The following RCAN2 variants were observed in gnomAD, a reference collection of about 807,000 sequenced individuals.
RCAN2 encodes regulator of calcineurin 2.
RCAN2 carries 9 observed loss-of-function variants against 23.6 expected under a neutral mutation model. The ratio of observed to expected loss-of-function variants is 0.38; its 90% CI spans 0.23 to 0.67. RCAN2 has a LOEUF of 0.67. RCAN2 is among the 30% of genes least tolerant of loss of function. RCAN2 has a pLI of 0.51. For missense variants in RCAN2, 273 were observed against 302.3 expected (o/e 0.90, Z 0.72); for synonymous variants, 109 against 115.7 (o/e 0.94, Z 0.37).
intron 2 of RCAN2, among the ~76,000 whole-genome samples, chr6:46,323,248 C>T (rs1763676041): frequency 6.6e-6 from 1 of 152,054 alleles, no homozygotes; most frequent in East Asian, 1.9e-4. Context: ...ATTTATTGAG[C>T]ATTAAATAGG....
chr6:46,408,123 TTA>T (rs1289809556), intron 2 of RCAN2, among the ~76,000 whole-genome samples: 9 of 152,198 alleles, frequency 5.9e-5, no homozygotes, highest in African/African-American at 1.9e-4. Context: ...CACGAATATT[TTA>T]TGTTTTCAAG....
At chr6:46,311,894 TA>T (rs1262689437) in intron 2 of RCAN2, among the ~76,000 whole-genome samples, 1 of 152,190 alleles carries the variant, frequency 6.6e-6, no homozygotes, top group Non-Finnish European at 1.5e-5. Context: ...TCCTGACTTT[TA>T]GCTGGGCATA....
chr6:46,356,064 C>T (rs894671780), intron 2 of RCAN2, among the ~76,000 whole-genome samples: 2 of 152,180 alleles, frequency 1.3e-5, no homozygotes, highest in Non-Finnish European at 2.9e-5. Flanking sequence ...CAGACACAGA[C>T]ATGAGCCCTC....
chr6:46,354,747 C>T (rs1764771253), intron 2 of RCAN2, among the ~76,000 whole-genome samples: 1 of 152,200 alleles, frequency 6.6e-6, no homozygotes, highest in African/African-American at 2.4e-5. Context: ...CCAACTAGCA[C>T]CCAATGTTTA....
At chr6:46,371,869 T>A (rs1765327275) in intron 2 of RCAN2, among the ~76,000 whole-genome samples, 1 of 152,240 alleles carries the variant, frequency 6.6e-6, no homozygotes, top group Admixed American at 6.5e-5. Flanking sequence ...AAGTTGTTCC[T>A]CTTTTTATAA....
chr6:46,251,240 T>A (rs1766702533), intron 2 of RCAN2, among the ~76,000 whole-genome samples: 1 of 152,176 alleles, frequency 6.6e-6, no homozygotes, highest in South Asian at 2.1e-4. Flanking sequence ...CAGCTACCAC[T>A]CCAAGTAGTC....
chr6:46,406,214 C>T (rs1191158091), intron 2 of RCAN2, among the ~76,000 whole-genome samples: 2 of 152,246 alleles, frequency 1.3e-5, no homozygotes, highest in Non-Finnish European at 2.9e-5. Flanking sequence ...GGGGCTCTCA[C>T]AGTGCAGCGG....
intron 2 of RCAN2, among the ~76,000 whole-genome samples, chr6:46,456,346 G>A (rs182213229): frequency 1.3e-5 from 2 of 152,266 alleles, no homozygotes; most frequent in East Asian, 3.9e-4. Context: ...GTCAAGCTGC[G>A]GGAAGGCTGG....
chr6:46,266,011 A>G (rs1446379110), intron 2 of RCAN2, among the ~76,000 whole-genome samples: 2 of 152,194 alleles, frequency 1.3e-5, no homozygotes, highest in African/African-American at 4.8e-5. Context: ...AGTCCAACTT[A>G]TGGATAACAG....
intron 2 of RCAN2, among the ~76,000 whole-genome samples, chr6:46,272,702 A>G (rs2150333785): frequency 6.6e-6 from 1 of 152,342 alleles, no homozygotes; most frequent in South Asian, 2.1e-4. Flanking sequence ...GTAAACATGT[A>G]ATGTTTAATT....
chr6:46,345,341 A>C (rs1007486136), intron 2 of RCAN2, among the ~76,000 whole-genome samples: 3 of 152,160 alleles, frequency 2.0e-5, no homozygotes, highest in Non-Finnish European at 4.4e-5. Flanking sequence ...TGATAGAAAA[A>C]AAATAAAAAT....
rs150190082 is a variant in RCAN2, at chr6:46,326,199, T to A, written c.226-77303A>T. ...GTAAGAGGAGATAATTAGAGGTTTG[T>A]GGAAATTCTATTTGAAGGCTATAAG... On this transcript the variant is annotated intron_variant, in intron 2 of 4. Coordinates refer to ENST00000371374, the MANE Select transcript of RCAN2 (RefSeq NM_001251974.2). Among the ~76,000 whole-genome samples, 153 of 152,298 alleles carry A rather than the reference T, an allele frequency of 1.0e-3. 1 individual carries two copies. The highest frequency in any genetic ancestry group is 3.5e-3 in the African/African-American group (145 of 41,570).
At chr6:46,367,558 T>C (rs919625491) in intron 2 of RCAN2, among the ~76,000 whole-genome samples, 3 of 152,232 alleles carry the variant, frequency 2.0e-5, no homozygotes, top group Admixed American at 1.3e-4. Flanking sequence ...TTAATTATGC[T>C]GACCCATTAT....
chr6:46,323,446 C>A (rs561924669), intron 2 of RCAN2, among the ~76,000 whole-genome samples: 2 of 151,188 alleles, frequency 1.3e-5, no homozygotes, highest in East Asian at 3.9e-4. Flanking sequence ...GCAGTAAATA[C>A]ATGTAGCACA....
At chr6:46,305,674 GGGAAATTTATT>G (rs1241843457) in intron 2 of RCAN2, among the ~76,000 whole-genome samples, 6 of 152,098 alleles carry the variant, frequency 3.9e-5, no homozygotes, top group African/African-American at 1.4e-4. Context: ...TCAGCTACAT[GGGAAATTTATT>G]CAACAATCGA....
chr6:46,294,909 C>T (rs75036806), intron 2 of RCAN2, among the ~76,000 whole-genome samples: 1,930 of 152,216 alleles, frequency 0.013, 43 homozygotes, highest in African/African-American at 0.044. Flanking sequence ...ATTAATTTAT[C>T]TGTAATATGA....
chr6:46,264,033 GA>G (rs2150328467), intron 2 of RCAN2, among the ~76,000 whole-genome samples: 1 of 152,316 alleles, frequency 6.6e-6, no homozygotes, highest in South Asian at 2.1e-4. Context: ...CACCAGCTTG[GA>G]GCCTCTTTAA....
intron 2 of RCAN2, among the ~76,000 whole-genome samples, chr6:46,395,766 T>C (rs1402560486): frequency 1.3e-5 from 2 of 152,218 alleles, no homozygotes; most frequent in Non-Finnish European, 2.9e-5. Flanking sequence ...ACATTTACTC[T>C]ATCAGTGGAG....
intron 2 of RCAN2, among the ~76,000 whole-genome samples, chr6:46,359,142 G>C (rs960917873): frequency 2.6e-5 from 4 of 152,180 alleles, no homozygotes; most frequent in African/African-American, 9.7e-5. Context: ...CAAGTTCCCA[G>C]CTGGTGCTGT....
Sources: gnomAD v4.1 joint callset for allele counts (sites outside exome capture counted in the v4.1 genomes callset) on GRCh38, gnomAD v4.1.1 for gene constraint, MANE v1.5 for transcripts, NCBI Gene and HGNC (gene_info 2026-07-23, HGNC 2026-07-21) for gene names.